TRPS1: variants seen among roughly 807,000 people sequenced by gnomAD.
TRPS1 encodes zinc finger transcription factor Trps1.
A neutral mutation model predicts 101.2 loss-of-function variants in TRPS1; 6 were observed. The observed-to-expected ratio is 0.06, with a 90% CI of 0.03 to 0.12. TRPS1 has a LOEUF of 0.12. TRPS1 is among the 10% of genes least tolerant of loss of function. TRPS1 has a pLI of 1.00. For missense variants in TRPS1, 1,363 were observed against 1,567.0 expected (o/e 0.87, Z 2.20); for synonymous variants, 578 against 589.8 (o/e 0.98, Z 0.29).
chr8:115,487,770 G>T (rs1285801895), intron 5 of TRPS1, among the ~76,000 whole-genome samples: 1 of 152,164 alleles, frequency 6.6e-6, no homozygotes, highest in Non-Finnish European at 1.5e-5. Flanking sequence ...AACCAATAAG[G>T]AGTTGCTTCT....
intron 5 of TRPS1, among the ~76,000 whole-genome samples, chr8:115,575,824 C>T (rs967715492): frequency 2.0e-5 from 3 of 152,068 alleles, no homozygotes; most frequent in African/African-American, 7.2e-5. Flanking sequence ...TTATTCACAT[C>T]CATTAAACAG....
chr8:115,457,990 A>C (rs1814070724), intron 5 of TRPS1, among the ~76,000 whole-genome samples: 1 of 152,188 alleles, frequency 6.6e-6, no homozygotes, highest in Non-Finnish European at 1.5e-5. Context: ...CCCTTTAAGA[A>C]GTCTATGAGG....
chr8:115,515,220 T>A, intron 5 of TRPS1: 1 of 696,806 alleles, frequency 1.4e-6, no homozygotes, highest in Non-Finnish European at 2.6e-6. Flanking sequence ...ATGGAAGCAA[T>A]GGAGATCTGG....
chr8:115,459,255 C>T (rs943500575), intron 5 of TRPS1, among the ~76,000 whole-genome samples: 15 of 151,970 alleles, frequency 9.9e-5, no homozygotes, highest in Non-Finnish European at 1.8e-4. Flanking sequence ...ACCCGGGAGG[C>T]GGAGCTTGCA....
intron 5 of TRPS1, among the ~76,000 whole-genome samples, chr8:115,498,142 C>T (rs535299518): frequency 6.6e-6 from 1 of 152,080 alleles, no homozygotes; most frequent in Admixed American, 6.6e-5. Flanking sequence ...CTTTGGGAGG[C>T]CAAGCTGGTG....
chr8:115,506,807 C>T (rs1815456236), intron 5 of TRPS1, among the ~76,000 whole-genome samples: 1 of 152,064 alleles, frequency 6.6e-6, no homozygotes, highest in Admixed American at 6.6e-5. Context: ...ACGCCTGTCC[C>T]ATTTTAAAAT....
intron 5 of TRPS1, among the ~76,000 whole-genome samples, chr8:115,443,095 CA>C (rs528530047): frequency 2.1e-5 from 3 of 145,636 alleles, no homozygotes; most frequent in Admixed American, 1.4e-4. Context: ...GACTCCATCT[CA>C]AAAAAAAAGA....
At chr8:115,649,294 T>C (rs898346889) in intron 1 of TRPS1, among the ~76,000 whole-genome samples, 4 of 152,298 alleles carry the variant, frequency 2.6e-5, no homozygotes, top group East Asian at 1.9e-4. Context: ...AATACCATTA[T>C]AATACTACCT....
rs751213617 is a variant in TRPS1, at chr8:115,411,158, G to A, written c.*2865C>T. 3.3e-5 allele frequency: 5 copies of A among 152,028 alleles called. No individual in the cohort carries two copies. Among genetic ancestry groups the A allele is most frequent in the Admixed American group, 6.6e-5 (1 of 15,184 alleles). The allele number at this position is 152,028 out of a possible 1,614,324, so 9.4% of individuals were successfully genotyped here. ...AAATTATCAATAATAAAGAAGTATG[G>A]AATAAGATCTATCGTGTCAACGCTA... On this transcript the variant is annotated 3_prime_UTR_variant, in exon 7 of 7. Transcript: ENST00000395715.
At chr8:115,623,381 C>T (rs991238473) in intron 2 of TRPS1, among the ~76,000 whole-genome samples, 1 of 151,904 alleles carries the variant, frequency 6.6e-6, no homozygotes, top group Non-Finnish European at 1.5e-5. Flanking sequence ...GGAATTATAT[C>T]ATCGTAATTT....
intron 5 of TRPS1, among the ~76,000 whole-genome samples, chr8:115,478,821 A>C (rs1226691363): frequency 6.8e-6 from 1 of 147,276 alleles, no homozygotes; most frequent in East Asian, 1.9e-4. Flanking sequence ...AAGTATATAT[A>C]TATGTATATA....
intron 5 of TRPS1, among the ~76,000 whole-genome samples, chr8:115,471,834 T>C (rs368051316): frequency 2.6e-5 from 4 of 152,168 alleles, no homozygotes; most frequent in African/African-American, 4.8e-5. Flanking sequence ...CAGCCAAATA[T>C]CAATGCTCTG....
chr8:115,462,618 T>C (rs1814209265), intron 5 of TRPS1, among the ~76,000 whole-genome samples: 1 of 140,638 alleles, frequency 7.1e-6, no homozygotes, highest in Non-Finnish European at 1.5e-5. Context: ...TTTGTTGTTT[T>C]TCTTTTCTCT....
chr8:115,664,374 A>G (rs185649379), intron 1 of TRPS1, among the ~76,000 whole-genome samples: 1 of 152,226 alleles, frequency 6.6e-6, no homozygotes, highest in African/African-American at 2.4e-5. Context: ...AGGCTAGAAG[A>G]CCATCTTTAT....
intron 5 of TRPS1, among the ~76,000 whole-genome samples, chr8:115,489,222 A>G (rs1408024978): frequency 6.6e-6 from 1 of 152,186 alleles, no homozygotes; most frequent in Non-Finnish European, 1.5e-5. Flanking sequence ...AGCTTGCTTT[A>G]TCACTGCATA....
At chr8:115,450,199 T>G (rs1813833603) in intron 5 of TRPS1, among the ~76,000 whole-genome samples, 1 of 152,168 alleles carries the variant, frequency 6.6e-6, no homozygotes, top group South Asian at 2.1e-4. Context: ...GTAAGTTATT[T>G]CTGAAATTTA....
chr8:115,577,599 A>G (rs143328985), intron 5 of TRPS1, among the ~76,000 whole-genome samples: 1 of 152,232 alleles, frequency 6.6e-6, no homozygotes, highest in African/African-American at 2.4e-5. Context: ...CCCTGACTTG[A>G]CCATTATTTA....
Position 115,619,243 on chromosome 8 carries a change from C to T in TRPS1, c.855G>A (p.Gln285=), listed in dbSNP as rs765329737. Residue 285 remains glutamine (Q), a synonymous_variant, in exon 3 of 7, where the codon CAG becomes CAA. Coordinates refer to ENST00000395715, the MANE Select transcript of TRPS1 (RefSeq NM_014112.5). The part of the protein sequence containing the change: ...SKILALHNMV[Q]FSHSKDFQKV... ...TCTGGAAGTCTTTGGAATGGCTGAACTGCACCATGTTATGAAGGGCCAAGA... is the reference window on the plus strand; with the variant it reads ...TCTGGAAGTCTTTGGAATGGCTGAATTGCACCATGTTATGAAGGGCCAAGA... The T allele has an allele frequency of 9.9e-6, 16 of 1,613,978 alleles. No individual in the cohort carries two copies. The highest frequency in any genetic ancestry group is 1.4e-5 in the Non-Finnish European group (16 of 1,179,966).
chr8:115,620,175 C>A, intron 2 of TRPS1, 115 bp from the exon 3 acceptor site: 1 of 953,118 alleles, frequency 1.0e-6, no homozygotes, highest in Non-Finnish European at 1.5e-6. Context: ...TCAAATGCTT[C>A]CTCTAGGAAA....
Sources: allele counts gnomAD v4.1 joint callset (sites outside exome capture counted in the v4.1 genomes callset), GRCh38; gene constraint gnomAD v4.1.1; transcripts MANE v1.5; gene names NCBI Gene and HGNC (gene_info 2026-07-23, HGNC 2026-07-21).